Variants in VRK3 observed in about 807,000 individuals in gnomAD.
The protein encoded by VRK3 is VRK serine/threonine kinase 3.
VRK3 carries 50 observed loss-of-function variants against 60.4 expected under a neutral mutation model. The ratio of observed to expected loss-of-function variants is 0.83; its 90% CI spans 0.66 to 1.05. The LOEUF is 1.05. Among genes scored for constraint, VRK3 ranks in the 50% least tolerant of loss-of-function variants. VRK3 has a pLI of 0.00. For missense variants in VRK3, 549 were observed against 585.3 expected, an observed-to-expected ratio of 0.94 and a Z score of 0.64; for synonymous variants, 246 against 227.8, an observed-to-expected ratio of 1.08 and a Z score of -0.72.
intron 1 of VRK3, among the ~76,000 whole-genome samples, chr19:50,022,568 G>T (rs1461211715): frequency 6.6e-6 from 1 of 151,970 alleles, no homozygotes; most frequent in Non-Finnish European, 1.5e-5. Context: ...GGCGGATCAC[G>T]TGAGGTTAGG....
chr19:49,993,889 C>T (rs1389972440), intron 9 of VRK3, among the ~76,000 whole-genome samples: 1 of 152,112 alleles, frequency 6.6e-6, no homozygotes, highest in East Asian at 1.9e-4. Flanking sequence ...AGATTCTTCT[C>T]CCCATTCCAG....
At chr19:50,008,128 G>T (rs938033442) in intron 4 of VRK3, among the ~76,000 whole-genome samples, 27 of 152,200 alleles carry the variant, frequency 1.8e-4, no homozygotes, top group African/African-American at 6.5e-4. Flanking sequence ...AAGAGAAAGA[G>T]ATCCTGCCTG....
intron 9 of VRK3, among the ~76,000 whole-genome samples, chr19:49,994,584 T>A (rs1464179771): frequency 6.6e-6 from 1 of 152,204 alleles, no homozygotes; most frequent in African/African-American, 2.4e-5. Context: ...AGCCTTCAGT[T>A]TGAGGCCGGG....
chr19:50,011,680 C>T (rs928702830), intron 3 of VRK3, among the ~76,000 whole-genome samples: 1 of 152,058 alleles, frequency 6.6e-6, no homozygotes, highest in African/African-American at 2.4e-5. Flanking sequence ...CAAACTCCCT[C>T]CCGTGGTCCT....
At chr19:50,014,068 A>G (rs1348767836) in intron 3 of VRK3, among the ~76,000 whole-genome samples, 2 of 152,110 alleles carry the variant, frequency 1.3e-5, no homozygotes, top group African/African-American at 4.8e-5. Flanking sequence ...GGAGTTCAAG[A>G]CCAGCCTGGC....
At chr19:50,015,681 C>T in intron 3 of VRK3, 1 of 236,032 alleles carries the variant, frequency 4.2e-6, no homozygotes, top group Non-Finnish European at 8.4e-6. Context: ...TGAAAAAATC[C>T]AAAATCAGAA....
intron 3 of VRK3, among the ~76,000 whole-genome samples, chr19:50,013,187 A>C (rs1357818513): frequency 1.3e-5 from 2 of 152,164 alleles, no homozygotes; most frequent in Non-Finnish European, 1.5e-5. Context: ...CAAAACAAAA[A>C]AAACACTCTG....
At chr19:49,994,049 C>T (rs547166638) in intron 9 of VRK3, among the ~76,000 whole-genome samples, 16 of 152,278 alleles carry the variant, frequency 1.1e-4, no homozygotes, top group East Asian at 5.8e-4. Context: ...ATGTGGTCAC[C>T]GCTGACCTCT....
intron 10 of VRK3, among the ~76,000 whole-genome samples, chr19:49,991,931 T>C (rs764573183): frequency 6.6e-6 from 1 of 152,270 alleles, no homozygotes; most frequent in African/African-American, 2.4e-5. Context: ...CTGTCATTTG[T>C]AATTGTAAGA....
chr19:50,007,278 T>C lies in VRK3; in HGVS notation c.547+291A>G, dbSNP rs555864876. ...CTGGGCCTGCACTCCCACGTGACAA[T>C]AGCAGGTAGCAGGTGGGGTGAGGAG... On this transcript the variant is annotated intron_variant, in intron 5 of 14. Coordinates refer to ENST00000316763, the MANE Select transcript of VRK3 (RefSeq NM_016440.4). 7.3e-4 allele frequency among the ~76,000 whole-genome samples: 111 copies of C among 151,956 alleles called. 1 individual carries two copies. Among genetic ancestry groups the C allele is most frequent in the Non-Finnish European group, 1.5e-3 (101 of 67,970 alleles).
chr19:49,988,522 C>A (rs1456356466), intron 11 of VRK3, 30 bp from the exon 12 acceptor site: 2 of 1,606,602 alleles, frequency 1.2e-6, no homozygotes, highest in South Asian at 1.1e-5. Context: ...GGTGGCAGCT[C>A]AAGTCTGGAC....
At chr19:50,013,833 G>A (rs1327023062) in intron 3 of VRK3, among the ~76,000 whole-genome samples, 2 of 152,218 alleles carry the variant, frequency 1.3e-5, no homozygotes, top group East Asian at 3.8e-4. Flanking sequence ...GCAAAATAAT[G>A]TATTTAATAG....
chr19:49,981,707 G>A (rs2076425064), intron 12 of VRK3: 2 of 999,614 alleles, frequency 2.0e-6, no homozygotes, highest in South Asian at 9.0e-5. Flanking sequence ...ATCCAAGATG[G>A]AAATAAAGAT....
chr19:50,019,650 C>T (rs1224265165), intron 2 of VRK3, among the ~76,000 whole-genome samples: 6 of 130,802 alleles, frequency 4.6e-5, no homozygotes, highest in African/African-American at 1.4e-4. Context: ...TCTGGGACTA[C>T]AGGCATGTGC....
chr19:50,007,869 G>A (rs779188569), intron 4 of VRK3, 43 bp from the exon 5 acceptor site: 12 of 1,607,794 alleles, frequency 7.5e-6, no homozygotes, highest in Non-Finnish European at 8.5e-6. Context: ...CCATCCAGGA[G>A]AGAAAAGTTA....
At chr19:49,983,842 T>C (rs2076465888) in intron 12 of VRK3, among the ~76,000 whole-genome samples, 1 of 152,154 alleles carries the variant, frequency 6.6e-6, no homozygotes, top group African/African-American at 2.4e-5. Context: ...GGTTATTGTC[T>C]GGGCTAACAG....
At chr19:50,009,709 C>T (rs745702119) in intron 3 of VRK3, among the ~76,000 whole-genome samples, 1 of 152,160 alleles carries the variant, frequency 6.6e-6, no homozygotes, top group African/African-American at 2.4e-5. Context: ...TCTTGGCTCA[C>T]TGCAACCTCT....
chr19:50,021,691 G>A (rs2077172716), intron 1 of VRK3, among the ~76,000 whole-genome samples: 1 of 152,220 alleles, frequency 6.6e-6, no homozygotes, highest in Non-Finnish European at 1.5e-5. Context: ...ATGGGCACAA[G>A]AAATGGTGGT....
intron 7 of VRK3, among the ~76,000 whole-genome samples, chr19:49,996,839 A>ACTCCTGAC (rs1381993333): frequency 6.8e-6 from 1 of 146,356 alleles, no homozygotes; most frequent in Non-Finnish European, 1.5e-5. Context: ...CTACTCTTGA[A>ACTCCTGAC]CTCCTGACCT....
Sources: gnomAD v4.1 joint callset for allele counts (sites outside exome capture counted in the v4.1 genomes callset) on GRCh38, gnomAD v4.1.1 for gene constraint, MANE v1.5 for transcripts, NCBI Gene and HGNC (gene_info 2026-07-23, HGNC 2026-07-21) for gene names.